Variants in DNAAF4 observed in about 807,000 individuals in gnomAD.
DNAAF4 encodes the protein dynein assembly factor 4, axonemal.
In DNAAF4, 43 loss-of-function variants were observed where a neutral mutation model predicts 51.8. The observed-to-expected ratio is 0.83, with a 90% CI of 0.65 to 1.07. The LOEUF (loss-of-function observed/expected upper bound fraction) is 1.07. DNAAF4 is among the 50% of genes least tolerant of loss of function. The probability of loss-of-function intolerance (pLI) is 0.00; values close to 1 mark genes in which losing one functional copy is unlikely to be tolerated. For missense variants in DNAAF4, 581 were observed against 493.0 expected (o/e 1.18, Z -1.69); for synonymous variants, 194 against 165.6 (o/e 1.17, Z -1.32).
chr15:55,504,523 A>G (rs2058716412), intron 1 of DNAAF4, among the ~76,000 whole-genome samples: 1 of 152,240 alleles, frequency 6.6e-6, no homozygotes, highest in Admixed American at 6.5e-5. Context: ...TTCAAACTAT[A>G]CTACAAGGCT....
chr15:55,480,532 T>C (rs1361236554), intron 4 of DNAAF4, among the ~76,000 whole-genome samples: 3 of 152,184 alleles, frequency 2.0e-5, no homozygotes, highest in African/African-American at 7.2e-5. Context: ...CTGGAACCAA[T>C]TGTTTGCACT....
At chr15:55,473,612 G>A (rs538345716) in intron 4 of DNAAF4, among the ~76,000 whole-genome samples, 16 of 152,056 alleles carry the variant, frequency 1.1e-4, no homozygotes, top group African/African-American at 3.6e-4. Flanking sequence ...ATGCCAAAAT[G>A]TCAGTTGATA....
chr15:55,452,093 A>T (rs1322176564), intron 5 of DNAAF4, among the ~76,000 whole-genome samples: 2 of 151,684 alleles, frequency 1.3e-5, no homozygotes, highest in East Asian at 3.9e-4. Flanking sequence ...CTAAAATTAC[A>T]AAAAATTAGT....
At chr15:55,492,424 A>G (rs956631862) in intron 3 of DNAAF4, among the ~76,000 whole-genome samples, 2 of 152,202 alleles carry the variant, frequency 1.3e-5, no homozygotes, top group South Asian at 4.1e-4. Flanking sequence ...TTGGCAGAGT[A>G]GTGAATCCTT....
rs1178915070 is a variant in DNAAF4 at position 55,495,239 on chromosome 15, A to G, written c.271+2473T>C. On this transcript the variant is annotated intron_variant, in intron 3 of 9. Transcript: ENST00000321149. ...AAAAAAAAAAAAAAAAAAATTAAGTAAACTGGCTATGTTAACCTACCTTAA... is the reference window on the plus strand; with the variant it reads ...AAAAAAAAAAAAAAAAAAATTAAGTGAACTGGCTATGTTAACCTACCTTAA... 2.0e-5 allele frequency: 3 copies of G among 151,318 alleles called. No individual in the cohort carries two copies. In the East Asian group the frequency reaches 5.8e-4, roughly 29 times the overall value. The allele number at this position is 151,318 out of a possible 1,614,324, so 9.4% of individuals were successfully genotyped here.
chr15:55,498,175 C>T, intron 2 of DNAAF4, 32 bp downstream of exon 2: 1 of 1,614,040 alleles, frequency 6.2e-7, no homozygotes, highest in Non-Finnish European at 8.5e-7. Flanking sequence ...ACCACACCCC[C>T]GGAGACCGGC....
chr15:55,467,005 T>G lies in DNAAF4; in HGVS notation c.562A>C (p.Ile188Leu). ...EEKLCQKEKQIKEERKKIKYK... is the reference protein window; with the variant it reads ...EEKLCQKEKQLKEERKKIKYK... ...TTTATTTTTTTTCTTTCTTCTTTAA[T>G]TTGCTTTTCTTTTTGACATAATTTC... The change falls in exon 5 of 10, where the codon ATT becomes CTT. Residue 188 changes from isoleucine (I) to leucine (L), a missense_variant. By Grantham distance (5) the Ile-to-Leu change is conservative (BLOSUM62 2). Transcript: ENST00000321149. The G allele has an allele frequency of 1.3e-6, 2 of 1,576,718 alleles. No homozygotes were observed. The highest frequency in any genetic ancestry group is 1.7e-6 in the Non-Finnish European group (2 of 1,165,756).
At chr15:55,502,836 C>T (rs1027307323) in intron 1 of DNAAF4, among the ~76,000 whole-genome samples, 2 of 151,914 alleles carry the variant, frequency 1.3e-5, no homozygotes, top group African/African-American at 4.8e-5. Context: ...GATCTAAAAT[C>T]GACACCCTAA....
chr15:55,463,279 C>T (rs1014864644), intron 5 of DNAAF4, among the ~76,000 whole-genome samples: 43 of 151,974 alleles, frequency 2.8e-4, no homozygotes, highest in Middle Eastern at 6.8e-3. Context: ...ACAGAAGGGA[C>T]ATACCTTAAG....
At chr15:55,433,895 TTA>T (rs1390489662) in intron 8 of DNAAF4, among the ~76,000 whole-genome samples, 1,723 of 45,660 alleles carry the variant, frequency 0.038, 153 homozygotes, top group African/African-American at 0.17. Context: ...TATATATATA[TTA>T]TATATATTAT....
At chr15:55,498,947 A>G (rs553753377) in intron 1 of DNAAF4, among the ~76,000 whole-genome samples, 1 of 151,994 alleles carries the variant, frequency 6.6e-6, no homozygotes, top group Admixed American at 6.5e-5. Context: ...AAAGAAAGAA[A>G]AAAAAAAGCA....
chr15:55,481,424 T>G (rs1209467721), intron 4 of DNAAF4, among the ~76,000 whole-genome samples: 1 of 152,208 alleles, frequency 6.6e-6, no homozygotes, highest in Non-Finnish European at 1.5e-5. Context: ...TTAATACTTG[T>G]ACTTACATTG....
At chr15:55,450,156 C>A in intron 6 of DNAAF4, 66 bp downstream of exon 6, 1 of 1,479,130 alleles carries the variant, frequency 6.8e-7, no homozygotes, top group South Asian at 1.5e-5. Context: ...GTACTAATTT[C>A]AATAGATGAA....
chr15:55,483,832 G>C (rs1412123351), intron 4 of DNAAF4, among the ~76,000 whole-genome samples: 1 of 46,304 alleles, frequency 2.2e-5, no homozygotes, highest in Non-Finnish European at 4.2e-5. Flanking sequence ...AGCCAATAAA[G>C]CTTTTTTTTT....
At chr15:55,427,506 T>C (rs2057442531), downstream of DNAAF4, among the ~76,000 whole-genome samples, 1 of 152,158 alleles carries the variant, frequency 6.6e-6, no homozygotes, top group African/African-American at 2.4e-5. Context: ...GGCCACAAGA[T>C]TAGATGAGTC....
intron 4 of DNAAF4, among the ~76,000 whole-genome samples, chr15:55,489,904 C>T (rs113907852): frequency 0.015 from 2,192 of 147,468 alleles, 47 homozygotes; most frequent in African/African-American, 0.049. Context: ...GACGGCGTCT[C>T]ACTCTGTCGC....
chr15:55,475,102 T>TAA (rs2058318708), intron 4 of DNAAF4, among the ~76,000 whole-genome samples: 1 of 152,160 alleles, frequency 6.6e-6, no homozygotes, highest in Non-Finnish European at 1.5e-5. Flanking sequence ...TGGAGGGAAA[T>TAA]CTCAATATTA....
intron 3 of DNAAF4, 65 bp downstream of exon 3, chr15:55,497,647 A>T (rs570840967): frequency 2.1e-5 from 32 of 1,528,050 alleles, no homozygotes; most frequent in Non-Finnish European, 2.7e-5. Context: ...TCAAAATAAA[A>T]TTTTTTAAAA....
rs527612729 is a variant in DNAAF4, at chr15:55,473,347, G to C, written c.406-6186C>G. On this transcript the variant is annotated intron_variant, in intron 4 of 9. Coordinates refer to ENST00000321149, the MANE Select transcript of DNAAF4 (RefSeq NM_130810.4). ...TGTATATATATGTGTGTATATATATGTGTGTATATATATGTGTGTGTGTAT... is the reference window on the plus strand; with the variant it reads ...TGTATATATATGTGTGTATATATATCTGTGTATATATATGTGTGTGTGTAT... Among the ~76,000 whole-genome samples the C allele has an allele frequency of 1.1e-3, 146 of 134,608 alleles. 2 individuals are homozygous for C. The highest frequency in any genetic ancestry group is 4.4e-3 in the African/African-American group (138 of 31,302). The allele number at this position is 134,608 out of a possible 152,430, so 88.3% of individuals were successfully genotyped here.
Sources: allele counts gnomAD v4.1 joint callset (sites outside exome capture counted in the v4.1 genomes callset), GRCh38; gene constraint gnomAD v4.1.1; transcripts MANE v1.5; gene names NCBI Gene and HGNC (gene_info 2026-07-23, HGNC 2026-07-21).